The following RAB21 variants were observed in gnomAD, a reference collection of about 807,000 sequenced individuals.
RAB21 encodes the protein RAB21, member RAS oncogene family.
RAB21 carries 13 observed loss-of-function variants against 33.1 expected under a neutral mutation model. The observed-to-expected ratio is 0.39, with a 90% confidence interval of 0.26 to 0.62. The LOEUF (loss-of-function observed/expected upper bound fraction) is 0.62, where lower values mean the gene tolerates loss of function less well. Ranked by LOEUF, RAB21 falls within the 20% of genes least tolerant of loss-of-function variation. The pLI is 0.48. For synonymous variants in RAB21, 91 were observed against 103.7 expected (o/e 0.88, Z 0.74); for missense variants, 234 against 279.1 (o/e 0.84, Z 1.15).
chr12:71,763,515 T>G (rs959335802), intron 1 of RAB21, among the ~76,000 whole-genome samples: 1 of 152,186 alleles, frequency 6.6e-6, no homozygotes, highest in African/African-American at 2.4e-5. Context: ...GCATTTTCTT[T>G]TTTTGTCTTC....
chr12:71,787,869 A>G lies in RAB21; in HGVS notation c.*2196A>G, dbSNP rs1883318710. ...GGGGAAGGTAGCAAGAATCATGGGT[A>G]TCACGGTACTTTGTTTTTGACCTCC... On this transcript the variant is annotated 3_prime_UTR_variant, in exon 7 of 7. Transcript: ENST00000261263. 6.6e-6 allele frequency: 1 copy of G among 152,244 alleles called. No individual in the cohort carries two copies. The highest frequency in any genetic ancestry group is 1.5e-5 in the Non-Finnish European group (1 of 68,104). The allele number at this position is 152,244 out of a possible 1,614,324, so 9.4% of individuals were successfully genotyped here. A position where few individuals can be genotyped will look rare whatever the true frequency, so the allele number is the denominator to read the frequency against.
chr12:71,755,380 G>T, intron 1 of RAB21, 92 bp downstream of exon 1: 1 of 1,365,174 alleles, frequency 7.3e-7, no homozygotes. Flanking sequence ...CTGGATGTAG[G>T]CTGGCAAATC....
At chr12:71,784,938 A>C (rs907376515) in intron 6 of RAB21, among the ~76,000 whole-genome samples, 15 of 151,880 alleles carry the variant, frequency 9.9e-5, no homozygotes, top group Admixed American at 1.3e-4. Context: ...AGCAAAAAAA[A>C]AAAACTCAGC....
At chr12:71,760,632 C>T (rs1188191715) in intron 1 of RAB21, among the ~76,000 whole-genome samples, 3 of 152,160 alleles carry the variant, frequency 2.0e-5, no homozygotes, top group Non-Finnish European at 2.9e-5. Context: ...TGACTTTATT[C>T]TTAAAGGATT....
chr12:71,785,503 A>G, intron 6 of RAB21, 28 bp from the exon 7 acceptor site: 2 of 1,610,590 alleles, frequency 1.2e-6, no homozygotes, highest in East Asian at 4.5e-5. Flanking sequence ...TTGTGGTCCT[A>G]ATAATGTTTG....
intron 4 of RAB21, among the ~76,000 whole-genome samples, chr12:71,777,059 C>G (rs1397175987): frequency 2.6e-5 from 4 of 152,148 alleles, no homozygotes; most frequent in Non-Finnish European, 5.9e-5. Context: ...CTTCACTTAA[C>G]TGATTTTTAA....
intron 1 of RAB21, 54 bp from the exon 2 acceptor site, chr12:71,769,746 A>G (rs991686348): frequency 1.7e-5 from 16 of 947,668 alleles, no homozygotes; most frequent in Non-Finnish European, 2.4e-5. Context: ...AGTTGTTAGG[A>G]TAAAGAACCT....
At chr12:71,762,642 G>T (rs1373283994) in intron 1 of RAB21, among the ~76,000 whole-genome samples, 1 of 151,754 alleles carries the variant, frequency 6.6e-6, no homozygotes, top group African/African-American at 2.4e-5. Flanking sequence ...GAGAGGAATG[G>T]CACGATCTCA....
rs756886271 is a variant in RAB21, at chr12:71,782,558, C to CT, written c.447-4dup. The CT allele has an allele frequency of 6.1e-5, 94 of 1,542,304 alleles. No individual in the cohort carries two copies. Among genetic ancestry groups the CT allele is most frequent in the Admixed American group, 1.7e-4 (9 of 51,602 alleles). On this transcript the variant is annotated splice_polypyrimidine_tract_variant and intron_variant, in intron 5 of 6. Coordinates refer to ENST00000261263, the MANE Select transcript of RAB21 (RefSeq NM_014999.4). ...TATTTTACATCAATCACCGATGTTA[C>CT]TTTTTTTTAAGGTATGCAGAATCTG...
At chr12:71,783,026 A>G (rs1883224449) in intron 6 of RAB21, among the ~76,000 whole-genome samples, 1 of 152,146 alleles carries the variant, frequency 6.6e-6, no homozygotes, top group Admixed American at 6.6e-5. Flanking sequence ...AAACTAGTGA[A>G]AAAGAGTGTT....
Position 71,792,846 on chromosome 12 carries a change from G to A in RAB21, c.*7173G>A, listed in dbSNP as rs1257714062. On this transcript the variant is annotated 3_prime_UTR_variant, in exon 7 of 7. Coordinates refer to ENST00000261263, the MANE Select transcript of RAB21 (RefSeq NM_014999.4). ...ATAAGTAATTTATCTGGGGATATAA[G>A]GTCACCTGTGCACACATGTTCACAT... is the stretch of plus-strand genomic sequence containing the variant. 6.6e-6 allele frequency: 1 copy of A among 152,124 alleles called. No homozygotes were observed. Among genetic ancestry groups the A allele is most frequent in the Non-Finnish European group, 1.5e-5 (1 of 68,024 alleles). The allele number at this position is 152,124 out of a possible 1,614,324, so 9.4% of individuals were successfully genotyped here.
rs1270852268 is a variant in RAB21 at position 71,795,846 on chromosome 12, A to G, written c.*10173A>G. 2.2e-5 allele frequency: 3 copies of G among 137,682 alleles called. No homozygotes were observed. The highest frequency in any genetic ancestry group is 4.5e-5 in the Non-Finnish European group (3 of 66,080). The allele number at this position is 137,682 out of a possible 1,614,324, so 8.5% of individuals were successfully genotyped here. A position where few individuals can be genotyped will look rare whatever the true frequency, so the allele number is the denominator to read the frequency against. Reference sequence around the variant, plus strand: ...TCTGTGATGGAATTTTTTAAAGTATATGTGAAGTTTTTTACTTCTTCAGTT... The same window carrying G: ...TCTGTGATGGAATTTTTTAAAGTATGTGTGAAGTTTTTTACTTCTTCAGTT... On this transcript the variant is annotated 3_prime_UTR_variant, in exon 7 of 7. Coordinates refer to ENST00000261263, the MANE Select transcript of RAB21 (RefSeq NM_014999.4).
chr12:71,794,085 G>A lies in RAB21; in HGVS notation c.*8412G>A, dbSNP rs1453735098. On this transcript the variant is annotated 3_prime_UTR_variant, in exon 7 of 7. Coordinates refer to ENST00000261263, the MANE Select transcript of RAB21 (RefSeq NM_014999.4). ...AAATATACAAAAATTAGCCAGGTGT[G>A]GTGGTGTGTGCCTGTAGTCTCAGCT... The A allele has an allele frequency of 6.6e-6, 1 of 152,082 alleles. No individual in the cohort carries two copies. The highest frequency in any genetic ancestry group is 1.5e-5 in the Non-Finnish European group (1 of 68,106). The allele number at this position is 152,082 out of a possible 1,614,324, so 9.4% of individuals were successfully genotyped here.
chr12:71,768,020 A>AG (rs1240368154), intron 1 of RAB21, among the ~76,000 whole-genome samples: 1 of 152,194 alleles, frequency 6.6e-6, no homozygotes, highest in African/African-American at 2.4e-5. Context: ...CATGAATGGG[A>AG]GAAGACATTT....
At position 71,774,461 on chromosome 12, in the gene RAB21, A is replaced by G. The variant is rs184845697; in HGVS notation, c.391+439A>G. 5.5e-3 allele frequency among the ~76,000 whole-genome samples: 819 copies of G among 149,310 alleles called. 9 individuals are homozygous for G. The highest frequency in any genetic ancestry group is 0.019 in the African/African-American group (780 of 40,492). On this transcript the variant is annotated intron_variant, in intron 4 of 6. Coordinates refer to ENST00000261263, the MANE Select transcript of RAB21 (RefSeq NM_014999.4). ...AGCCTGGGTGATACAGTGAGATTCC[A>G]TCTCAAAAAAAAATAGGCTGGGCAC...
chr12:71,759,474 T>C (rs1025570944), intron 1 of RAB21, among the ~76,000 whole-genome samples: 1 of 152,238 alleles, frequency 6.6e-6, no homozygotes, highest in Admixed American at 6.5e-5. Flanking sequence ...TGTAGACATA[T>C]AGAATCTTAG....
intron 1 of RAB21, among the ~76,000 whole-genome samples, chr12:71,756,693 G>A (rs1027318237): frequency 3.3e-5 from 5 of 152,198 alleles, no homozygotes; most frequent in African/African-American, 1.2e-4. Flanking sequence ...TCATTAGTGA[G>A]AGCCTGGTGT....
At chr12:71,771,272 T>G (rs1001697954) in intron 3 of RAB21, among the ~76,000 whole-genome samples, 1 of 152,156 alleles carries the variant, frequency 6.6e-6, no homozygotes, top group Non-Finnish European at 1.5e-5. Flanking sequence ...CAAAAATGAG[T>G]TACCATTTAA....
chr12:71,765,809 G>A (rs1213432038), intron 1 of RAB21, among the ~76,000 whole-genome samples: 6 of 151,836 alleles, frequency 4.0e-5, no homozygotes, highest in East Asian at 1.9e-4. Flanking sequence ...ATTGGTCTAC[G>A]TGCCTATTTT....
Sources: allele counts gnomAD v4.1 joint callset (sites outside exome capture counted in the v4.1 genomes callset), GRCh38; gene constraint gnomAD v4.1.1; transcripts MANE v1.5; gene names NCBI Gene and HGNC (gene_info 2026-07-23, HGNC 2026-07-21).